The following RBFOX1 variants were observed in gnomAD, a reference collection of about 807,000 sequenced individuals.
RBFOX1 encodes the protein RNA binding protein fox-1 homolog 1.
Under a neutral mutation model 57.7 loss-of-function variants are expected in RBFOX1, and 8 were observed. The observed-to-expected ratio is 0.14, with a 90% CI of 0.08 to 0.25. The LOEUF is 0.25. RBFOX1 is among the 10% of genes least tolerant of loss of function. RBFOX1 has a pLI of 1.00. For missense variants in RBFOX1, 611 were observed against 548.5 expected, an observed-to-expected ratio of 1.11 and a Z score of -1.14; for synonymous variants, 326 against 222.4, an observed-to-expected ratio of 1.47 and a Z score of -4.15.
chr16:6,824,692 G>A (rs995120043), intron 3 of RBFOX1, among the ~76,000 whole-genome samples: 11 of 151,960 alleles, frequency 7.2e-5, no homozygotes, highest in African/African-American at 2.7e-4. Context: ...AAATAATAAT[G>A]TTTTTCTTGT....
At chr16:7,656,121 G>C (rs1276156075) in intron 12 of RBFOX1, among the ~76,000 whole-genome samples, 2 of 152,192 alleles carry the variant, frequency 1.3e-5, no homozygotes, top group South Asian at 2.1e-4. Flanking sequence ...GCATTCTAAA[G>C]CCATACTTGG....
intron 4 of RBFOX1, among the ~76,000 whole-genome samples, chr16:7,418,173 T>G (rs1040873554): frequency 6.6e-6 from 1 of 152,160 alleles, no homozygotes; most frequent in Non-Finnish European, 1.5e-5. Flanking sequence ...AGGACTAGTT[T>G]CCATTGCTGG....
intron 3 of RBFOX1, among the ~76,000 whole-genome samples, chr16:6,800,376 T>C (rs2085114864): frequency 6.6e-6 from 1 of 152,236 alleles, no homozygotes; most frequent in South Asian, 2.1e-4. Context: ...GTTAAGGAAG[T>C]GGTTTCCTAC....
intron 3 of RBFOX1, among the ~76,000 whole-genome samples, chr16:6,765,538 G>A (rs2077206478): frequency 6.7e-6 from 1 of 149,270 alleles, no homozygotes; most frequent in Non-Finnish European, 1.5e-5. Context: ...AAGAAAAAAA[G>A]AATGCTGGTG....
At chr16:5,743,162 G>A (rs9302806) in intron 3 of RBFOX1, among the ~76,000 whole-genome samples, 69,178 of 151,956 alleles carry the variant, frequency 0.46, 16,041 homozygotes, top group East Asian at 0.57. Flanking sequence ...GGAGATATAT[G>A]GGTTACAGGT....
intron 3 of RBFOX1, among the ~76,000 whole-genome samples, chr16:5,860,062 G>A (rs1261512883): frequency 6.6e-6 from 1 of 152,176 alleles, no homozygotes; most frequent in Non-Finnish European, 1.5e-5. Flanking sequence ...GAGCAGCCCA[G>A]TAGACAGTAG....
intron 1 of RBFOX1, among the ~76,000 whole-genome samples, chr16:5,452,612 C>T (rs1447180917): frequency 6.6e-6 from 1 of 152,006 alleles, no homozygotes; most frequent in Admixed American, 6.6e-5. Flanking sequence ...ACACTGCTAC[C>T]CAGTGACCTT....
intron 1 of RBFOX1, among the ~76,000 whole-genome samples, chr16:6,279,489 G>C (rs1209223170): frequency 3.3e-5 from 5 of 152,078 alleles, no homozygotes; most frequent in Non-Finnish European, 7.3e-5. Flanking sequence ...AATACTGCAG[G>C]GGATAAAGAT....
At chr16:5,533,233 C>A (rs2044557230) in intron 2 of RBFOX1, among the ~76,000 whole-genome samples, 1 of 152,054 alleles carries the variant, frequency 6.6e-6, no homozygotes, top group South Asian at 2.1e-4. Context: ...AATTTGTGCG[C>A]CAAGGCAATT....
chr16:5,880,540 A>G (rs2057737328), intron 4 of RBFOX1, among the ~76,000 whole-genome samples: 1 of 152,214 alleles, frequency 6.6e-6, no homozygotes, highest in South Asian at 2.1e-4. Context: ...GGGAAGAATA[A>G]TATTAGCTTT....
chr16:7,144,578 C>T (rs1260999491), intron 4 of RBFOX1, among the ~76,000 whole-genome samples: 1 of 151,902 alleles, frequency 6.6e-6, no homozygotes, highest in Non-Finnish European at 1.5e-5. Context: ...GCATGAGCTA[C>T]TGCGCCTGAA....
At chr16:6,451,830 A>G (rs1216557249) in intron 2 of RBFOX1, among the ~76,000 whole-genome samples, 2 of 151,472 alleles carry the variant, frequency 1.3e-5, no homozygotes, top group Non-Finnish European at 2.9e-5. Flanking sequence ...GACTCCATCC[A>G]TGGCTCTTTC....
chr16:6,528,808 C>T (rs1332324010), intron 2 of RBFOX1, among the ~76,000 whole-genome samples: 1 of 152,152 alleles, frequency 6.6e-6, no homozygotes. Flanking sequence ...GTGACAGTAG[C>T]ATTCCACACC....
chr16:6,399,406 C>A (rs541858369), intron 2 of RBFOX1, among the ~76,000 whole-genome samples: 1 of 152,184 alleles, frequency 6.6e-6, no homozygotes, highest in Non-Finnish European at 1.5e-5. Context: ...GTCAAAGTTC[C>A]ACTGATCTCT....
rs145894718 is a variant in RBFOX1 at position 7,241,673 on chromosome 16, C to T, written c.27+189575C>T. 1.4e-4 allele frequency among the ~76,000 whole-genome samples: 22 copies of T among 152,052 alleles called. No homozygotes were observed. The East Asian group carries it at 3.7e-3, about 25-fold the overall frequency. On this transcript the variant is annotated intron_variant, in intron 4 of 15. Coordinates refer to ENST00000550418, the MANE Select transcript of RBFOX1 (RefSeq NM_018723.4). ...TCATATTTTCAGTAAGAGTGCATTA[C>T]AAAAAATCTACATCTGGATGACAAA...
At chr16:7,705,037 C>CT (rs2081987952) in intron 14 of RBFOX1, among the ~76,000 whole-genome samples, 1 of 101,354 alleles carries the variant, frequency 9.9e-6, no homozygotes, top group Admixed American at 1.2e-4. Flanking sequence ...GAGCAAGACT[C>CT]TGTCTCAAAA....
intron 6 of RBFOX1, among the ~76,000 whole-genome samples, chr16:7,583,701 G>A (rs944698355): frequency 1.3e-5 from 2 of 152,068 alleles, no homozygotes; most frequent in Non-Finnish European, 2.9e-5. Flanking sequence ...CTCTTGGCCA[G>A]GCATGATGGT....
At chr16:6,895,439 T>TA (rs2066564256) in intron 3 of RBFOX1, among the ~76,000 whole-genome samples, 1 of 99,812 alleles carries the variant, frequency 1.0e-5, no homozygotes, top group African/African-American at 3.7e-5. Flanking sequence ...TGTGTGTGTG[T>TA]GTGTGTGTGT....
At chr16:6,554,728 AC>A (rs1819632673) in intron 2 of RBFOX1, among the ~76,000 whole-genome samples, 1 of 900 alleles carries the variant, frequency 1.1e-3, no homozygotes, top group Non-Finnish European at 5.1e-3. Flanking sequence ...AGACACAGAC[AC>A]ACACACACAC....
Sources: gnomAD v4.1 joint callset for allele counts (sites outside exome capture counted in the v4.1 genomes callset) on GRCh38, gnomAD v4.1.1 for gene constraint, MANE v1.5 for transcripts, NCBI Gene and HGNC (gene_info 2026-07-23, HGNC 2026-07-21) for gene names.